The following GDI2 variants were observed in gnomAD, a reference collection of about 807,000 sequenced individuals.
GDI2 encodes GDP dissociation inhibitor 2.
GDI2 carries 22 observed loss-of-function variants against 54.2 expected under a neutral mutation model. The ratio of observed to expected loss-of-function variants is 0.41; its 90% CI spans 0.29 to 0.58. GDI2 has a LOEUF of 0.58. Among genes scored for constraint, GDI2 ranks in the 20% least tolerant of loss-of-function variants. The pLI is 0.35. For missense variants in GDI2, 422 were observed against 546.0 expected (o/e 0.77, Z 2.26); for synonymous variants, 177 against 182.1 (o/e 0.97, Z 0.23).
intron 1 of GDI2, among the ~76,000 whole-genome samples, chr10:5,802,530 T>G (rs1486515083): frequency 6.6e-6 from 1 of 151,360 alleles, no homozygotes; most frequent in Non-Finnish European, 1.5e-5. Flanking sequence ...ACCAGGGAGT[T>G]GGAGGCTGCA....
At chr10:5,788,078 T>C (rs1466054864) in intron 4 of GDI2, among the ~76,000 whole-genome samples, 1 of 152,190 alleles carries the variant, frequency 6.6e-6, no homozygotes, top group Non-Finnish European at 1.5e-5. Flanking sequence ...GACTAGCTGT[T>C]AACAGCATGA....
In GDI2 at chr10:5,776,694, C is replaced by A; in HGVS notation, c.720-2753G>T. On this transcript the variant is annotated intron_variant, in intron 6 of 10. Coordinates refer to ENST00000380191, the MANE Select transcript of GDI2 (RefSeq NM_001494.4). The surrounding 1 kb of genome is among the most constrained non-coding windows in gnomAD (Gnocchi z 5.3). ...GAAAAGTCAGAGTTATGGAGCTTGC[C>A]GCCACATTCAGAAACTGCTACAGCC... 6.8e-7 allele frequency: 1 copy of A among 1,461,166 alleles called. No individual in the cohort carries two copies. The highest frequency in any genetic ancestry group is 9.5e-7 in the Non-Finnish European group (1 of 1,049,160). The allele number at this position is 1,461,166 out of a possible 1,614,324, so 90.5% of individuals were successfully genotyped here.
At chr10:5,794,325 T>A (rs1394397443) in intron 4 of GDI2, among the ~76,000 whole-genome samples, 2 of 150,352 alleles carry the variant, frequency 1.3e-5, no homozygotes, top group African/African-American at 4.9e-5. Context: ...GTACTTCTCC[T>A]GTTGGCACGT....
At chr10:5,808,397 G>A (rs1041937759) in intron 1 of GDI2, among the ~76,000 whole-genome samples, 1 of 152,148 alleles carries the variant, frequency 6.6e-6, no homozygotes, top group Admixed American at 6.5e-5. Context: ...TTATGGGCTG[G>A]GTGCGGTGGC....
intron 1 of GDI2, among the ~76,000 whole-genome samples, chr10:5,805,078 C>A (rs1029336671): frequency 6.6e-6 from 1 of 152,022 alleles, no homozygotes. Context: ...ATGATCCACC[C>A]GCATCAGCCT....
At position 5,813,241 on chromosome 10, in the gene GDI2, G is replaced by A; in HGVS notation, c.18C>T (p.Asp6=). 6.3e-7 allele frequency: 1 copy of A among 1,597,000 alleles called. No individual in the cohort carries two copies. ...TCAGGCCGGTGCCCAGCACGATCAC[G>A]TCGTACTCCTCATTCATGGCGGGGC... MNEEY[D]VIVLGTGLTE... is the part of the protein sequence containing the mutation. The change falls in exon 1 of 11, where the codon GAC becomes GAT. Residue 6 remains aspartate, a synonymous_variant. Coordinates refer to ENST00000380191, the MANE Select transcript of GDI2 (RefSeq NM_001494.4).
Position 5,776,947 on chromosome 10 carries a change from A to G in GDI2, c.720-3006T>C. ...AAAAAATTAAAAGGGAAAACCACAT[A>G]GAAGGGTAATCCCGGAAATGCTTCA... On this transcript the variant is annotated intron_variant, in intron 6 of 10. Coordinates refer to ENST00000380191, the MANE Select transcript of GDI2 (RefSeq NM_001494.4). This position sits in a 1 kb window ranked among gnomAD's most constrained non-coding sequence, Gnocchi z 5.3. The G allele has an allele frequency of 1.7e-6, 1 of 578,364 alleles. No homozygotes were observed. Among genetic ancestry groups the G allele is most frequent in the Non-Finnish European group, 3.0e-6 (1 of 334,862 alleles). 35.8% of individuals were successfully genotyped at this position (578,364 alleles called of 1,614,324 possible).
intron 2 of GDI2, among the ~76,000 whole-genome samples, chr10:5,797,231 T>C (rs1367129954): frequency 6.6e-6 from 1 of 151,716 alleles, no homozygotes; most frequent in African/African-American, 2.4e-5. Context: ...ACCAACATAG[T>C]GAAACCCCGT....
At chr10:5,798,904 A>G (rs1247544241) in intron 2 of GDI2, among the ~76,000 whole-genome samples, 1 of 151,890 alleles carries the variant, frequency 6.6e-6, no homozygotes, top group Non-Finnish European at 1.5e-5. Context: ...AACCCAAGAG[A>G]TGGAGGTTGC....
At chr10:5,795,306 G>A (rs1442324481) in intron 3 of GDI2, among the ~76,000 whole-genome samples, 2 of 151,854 alleles carry the variant, frequency 1.3e-5, no homozygotes, top group African/African-American at 4.8e-5. Flanking sequence ...TTGTTTTGTA[G>A]AGACAGGGTT....
chr10:5,808,607 C>G (rs1588991463), intron 1 of GDI2, among the ~76,000 whole-genome samples: 1 of 145,104 alleles, frequency 6.9e-6, no homozygotes, highest in African/African-American at 2.6e-5. Context: ...ACCGGGGAGG[C>G]AGAGGTTGTA....
chr10:5,787,373 G>A (rs374239819), intron 4 of GDI2, among the ~76,000 whole-genome samples: 84 of 152,128 alleles, frequency 5.5e-4, no homozygotes, highest in African/African-American at 1.6e-3. Flanking sequence ...GTGTGGTGGC[G>A]CACGCCTGTA....
Position 5,785,372 on chromosome 10 carries a change from T to C in GDI2, c.588-99A>G, listed in dbSNP as rs1933233874. The C allele has an allele frequency of 3.6e-6, 3 of 836,444 alleles. No individual in the cohort carries two copies. The South Asian group carries it at 5.6e-5, about 16-fold the overall frequency. The allele number at this position is 836,444 out of a possible 1,614,324, so 51.8% of individuals were successfully genotyped here. ...GAAGCGATTTCAATCCGCTATCTTC[T>C]TTTTTGTTTTTTTGTTTTTTGAGAC... On this transcript the variant is annotated intron_variant, in intron 5 of 10. Transcript: ENST00000380191.
At chr10:5,784,155 G>A (rs1235629846) in intron 6 of GDI2, among the ~76,000 whole-genome samples, 1 of 151,990 alleles carries the variant, frequency 6.6e-6, no homozygotes, top group Non-Finnish European at 1.5e-5. Flanking sequence ...TTGTCAGATT[G>A]GGCTAATTCA....
chr10:5,802,372 G>C lies in GDI2; in HGVS notation c.46-1667C>G, dbSNP rs544079248. On this transcript the variant is annotated intron_variant, in intron 1 of 10. Transcript: ENST00000380191. Reference sequence around the variant, plus strand: ...TCCAAGCACTTTGAGAGGCCGAGGCGGGTGGATCACAAGGTCAGGAGATTG... The same window carrying C: ...TCCAAGCACTTTGAGAGGCCGAGGCCGGTGGATCACAAGGTCAGGAGATTG... Among the ~76,000 whole-genome samples, 14 of 152,232 alleles carry C rather than the reference G, an allele frequency of 9.2e-5. No homozygotes were observed. The South Asian group carries it at 1.9e-3, about 20-fold the overall frequency.
intron 3 of GDI2, 124 bp downstream of exon 3, chr10:5,796,639 C>A: frequency 1.6e-6 from 1 of 616,118 alleles, no homozygotes; most frequent in Non-Finnish European, 2.9e-6. Context: ...ATGTTACTCA[C>A]CATGCTGTTT....
chr10:5,792,140 T>C (rs1360861487), intron 4 of GDI2, among the ~76,000 whole-genome samples: 1 of 152,204 alleles, frequency 6.6e-6, no homozygotes, highest in Non-Finnish European at 1.5e-5. Flanking sequence ...AATATATTAA[T>C]AGCTTTATAT....
chr10:5,774,101 AAAACAC>A lies in GDI2; in HGVS notation c.720-166_720-161del, dbSNP rs1358418839. 1.1e-5 allele frequency among the ~76,000 whole-genome samples: 1 copy of A among 88,696 alleles called. No individual in the cohort carries two copies. Among genetic ancestry groups the A allele is most frequent in the African/African-American group, 3.4e-5 (1 of 29,032 alleles). 58.2% of individuals were successfully genotyped at this position (88,696 alleles called of 152,430 possible). ...TGATTAAAGCAAGAAAACAGAGTCA[AAAACAC>A]AAACATAATCAGTTATAAATACGAA... On this transcript the variant is annotated intron_variant, in intron 6 of 10. Transcript: ENST00000380191. The surrounding 1 kb of genome is among the most constrained non-coding windows in gnomAD (Gnocchi z 4.8).
intron 1 of GDI2, among the ~76,000 whole-genome samples, chr10:5,801,847 C>T (rs1306827803): frequency 6.6e-6 from 1 of 151,760 alleles, no homozygotes; most frequent in African/African-American, 2.4e-5. Context: ...CCTGTCTCTA[C>T]TAAATACACA....
Sources: gnomAD v4.1 joint callset for allele counts (sites outside exome capture counted in the v4.1 genomes callset) on GRCh38, gnomAD v4.1.1 for gene constraint, Gnocchi (gnomAD v3.1) non-coding constraint, MANE v1.5 for transcripts, NCBI Gene and HGNC (gene_info 2026-07-23, HGNC 2026-07-21) for gene names.